MACROD2: variants seen among roughly 807,000 people sequenced by gnomAD.
The protein encoded by MACROD2 is ADP-ribose glycohydrolase MACROD2.
Under a neutral mutation model 70.4 loss-of-function variants are expected in MACROD2, and 36 were observed. That is an observed-to-expected ratio of 0.51 (90% CI 0.39 to 0.68). The LOEUF (loss-of-function observed/expected upper bound fraction) is 0.68, where lower values mean the gene tolerates loss of function less well. Ranked by LOEUF, MACROD2 falls within the 30% of genes least tolerant of loss-of-function variation. The pLI is 0.00. For missense variants in MACROD2, 496 were observed against 538.4 expected (o/e 0.92, Z 0.78); for synonymous variants, 172 against 178.8 (o/e 0.96, Z 0.30).
intron 5 of MACROD2, among the ~76,000 whole-genome samples, chr20:15,188,998 C>T (rs1157527168): frequency 1.3e-5 from 2 of 152,094 alleles, no homozygotes; most frequent in Non-Finnish European, 2.9e-5. Flanking sequence ...TGCCATTTAG[C>T]CCAAAGATAA....
intron 5 of MACROD2, among the ~76,000 whole-genome samples, chr20:15,207,850 G>GT (rs2076725320): frequency 6.6e-6 from 1 of 151,950 alleles, no homozygotes; most frequent in African/African-American, 2.4e-5. Flanking sequence ...TTTTTTCTTT[G>GT]TTTTTAGTTT....
intron 5 of MACROD2, among the ~76,000 whole-genome samples, chr20:15,122,906 C>G (rs2076040892): frequency 6.6e-6 from 1 of 152,082 alleles, no homozygotes. Context: ...TAATATGACC[C>G]AGCCAAATTA....
chr20:14,946,518 C>CT (rs567067108), intron 5 of MACROD2, among the ~76,000 whole-genome samples: 9 of 151,736 alleles, frequency 5.9e-5, no homozygotes, highest in Non-Finnish European at 1.0e-4. Context: ...CTTTTTCTTT[C>CT]TTTTTTTTAC....
chr20:14,459,901 G>C (rs1278648761), intron 3 of MACROD2, among the ~76,000 whole-genome samples: 1 of 151,886 alleles, frequency 6.6e-6, no homozygotes, highest in African/African-American at 2.4e-5. Flanking sequence ...ACAGGCCCTG[G>C]TGTTTGATGT....
intron 8 of MACROD2, among the ~76,000 whole-genome samples, chr20:15,844,322 C>T (rs982574395): frequency 2.0e-5 from 3 of 152,040 alleles, no homozygotes; most frequent in African/African-American, 4.8e-5. Context: ...TGGGAAATGA[C>T]GAACACATAA....
At chr20:14,252,142 G>A (rs181326993) in intron 3 of MACROD2, among the ~76,000 whole-genome samples, 109 of 152,130 alleles carry the variant, frequency 7.2e-4, no homozygotes, top group Non-Finnish European at 1.3e-3. Context: ...GTAAGAAATG[G>A]AGGAAGAAAT....
intron 2 of MACROD2, among the ~76,000 whole-genome samples, chr20:14,071,514 C>T (rs2053842349): frequency 6.6e-6 from 1 of 151,932 alleles, no homozygotes; most frequent in Non-Finnish European, 1.5e-5. Flanking sequence ...CCTACCTCGG[C>T]CTCCCAAAGT....
At chr20:14,420,939 T>G (rs2122893893) in intron 3 of MACROD2, among the ~76,000 whole-genome samples, 1 of 152,344 alleles carries the variant, frequency 6.6e-6, no homozygotes, top group South Asian at 2.1e-4. Flanking sequence ...GCAATCCTCC[T>G]GCCTTGGCCT....
At chr20:14,820,602 T>G (rs2072832584) in intron 5 of MACROD2, among the ~76,000 whole-genome samples, 1 of 152,082 alleles carries the variant, frequency 6.6e-6, no homozygotes, top group Non-Finnish European at 1.5e-5. Flanking sequence ...ATCTAAGTAA[T>G]ATGAATCCAG....
At chr20:14,108,949 G>A (rs1284758598) in intron 3 of MACROD2, among the ~76,000 whole-genome samples, 2 of 151,922 alleles carry the variant, frequency 1.3e-5, no homozygotes, top group African/African-American at 4.8e-5. Context: ...TTTGTTCAAC[G>A]TCTGCAGAAT....
rs190015673 is a variant in MACROD2 at position 14,699,793 on chromosome 20, T to C, written c.418+14834T>C. On this transcript the variant is annotated intron_variant, in intron 5 of 17. Transcript: ENST00000684519. Reference sequence around the variant, plus strand: ...GTTTAAAGTTTAAACTTTTTAAATCTAGAAGTTTAAAGTTTAAACTTTTTA... The same window carrying C: ...GTTTAAAGTTTAAACTTTTTAAATCCAGAAGTTTAAAGTTTAAACTTTTTA... Among the ~76,000 whole-genome samples, 190 of 150,070 alleles carry C rather than the reference T, an allele frequency of 1.3e-3. 2 individuals carry two copies. Among genetic ancestry groups the C allele is most frequent in the Middle Eastern group, 3.5e-3 (1 of 286 alleles).
At chr20:14,401,187 T>A (rs1056145704) in intron 3 of MACROD2, among the ~76,000 whole-genome samples, 3 of 152,246 alleles carry the variant, frequency 2.0e-5, no homozygotes, top group Admixed American at 2.0e-4. Flanking sequence ...GGGATAGTTC[T>A]GGAAACTGCA....
At chr20:14,470,527 G>A (rs549788433) in intron 3 of MACROD2, among the ~76,000 whole-genome samples, 1 of 152,104 alleles carries the variant, frequency 6.6e-6, no homozygotes, top group Admixed American at 6.6e-5. Context: ...GACCATAGCC[G>A]CCCCTACCCC....
At chr20:15,238,721 A>G (rs2077035308) in intron 6 of MACROD2, among the ~76,000 whole-genome samples, 1 of 152,168 alleles carries the variant, frequency 6.6e-6, no homozygotes, top group Admixed American at 6.5e-5. Flanking sequence ...TATTCTGCAG[A>G]TGTAAGTCTA....
chr20:15,853,900 G>A, intron 8 of MACROD2, among the ~76,000 whole-genome samples: 1 of 152,166 alleles, frequency 6.6e-6, no homozygotes, highest in East Asian at 1.9e-4. Flanking sequence ...TTAGAGATGA[G>A]CAGACTGAGG....
At chr20:14,738,147 T>G (rs1404030030) in intron 5 of MACROD2, among the ~76,000 whole-genome samples, 5 of 152,118 alleles carry the variant, frequency 3.3e-5, no homozygotes, top group Admixed American at 6.6e-5. Context: ...GGTTGGTTTT[T>G]GGAATTTTAG....
At chr20:14,229,483 A>G (rs1170882450) in intron 3 of MACROD2, among the ~76,000 whole-genome samples, 1 of 152,260 alleles carries the variant, frequency 6.6e-6, no homozygotes, top group Non-Finnish European at 1.5e-5. Context: ...GCTCAGTATT[A>G]TATGTCATTA....
At chr20:15,641,770 AT>A (rs2049463718) in intron 8 of MACROD2, among the ~76,000 whole-genome samples, 3 of 152,224 alleles carry the variant, frequency 2.0e-5, no homozygotes, top group East Asian at 1.9e-4. Flanking sequence ...TTTTATTATA[AT>A]TTTTTTATAC....
At chr20:14,206,264 T>C (rs2081522250) in intron 3 of MACROD2, among the ~76,000 whole-genome samples, 1 of 152,254 alleles carries the variant, frequency 6.6e-6, no homozygotes, top group Admixed American at 6.5e-5. Context: ...CACTGGTTCT[T>C]GACTGGGAAC....
Sources: gnomAD v4.1 joint callset for allele counts (sites outside exome capture counted in the v4.1 genomes callset) on GRCh38, gnomAD v4.1.1 for gene constraint, MANE v1.5 for transcripts, NCBI Gene and HGNC (gene_info 2026-07-23, HGNC 2026-07-21) for gene names.